The following KLHL32 variants were observed in gnomAD, a reference collection of about 807,000 sequenced individuals.
KLHL32 encodes the protein kelch like family member 32, also known as kelch-like protein 32.
In KLHL32, 35 loss-of-function variants were observed where a neutral mutation model predicts 64.8. The ratio of observed to expected loss-of-function variants is 0.54; its 90% CI spans 0.41 to 0.72. The LOEUF is 0.72. Ranked by LOEUF, KLHL32 falls within the 30% of genes least tolerant of loss-of-function variation. The probability of loss-of-function intolerance (pLI) is 0.00; values close to 1 mark genes in which losing one functional copy is unlikely to be tolerated. For synonymous variants in KLHL32, 259 were observed against 281.0 expected, an observed-to-expected ratio of 0.92 and a Z score of 0.78; for missense variants, 589 against 768.5, an observed-to-expected ratio of 0.77 and a Z score of 2.76.
At chr6:97,119,346 C>G (rs1798126964) in intron 7 of KLHL32, among the ~76,000 whole-genome samples, 1 of 152,128 alleles carries the variant, frequency 6.6e-6, no homozygotes, top group African/African-American at 2.4e-5. Context: ...AAGATCTTTC[C>G]TTTGGTTTCT....
intron 1 of KLHL32, among the ~76,000 whole-genome samples, chr6:96,942,161 G>T (rs1469670751): frequency 2.6e-5 from 4 of 152,174 alleles, no homozygotes; most frequent in African/African-American, 9.7e-5. Flanking sequence ...TTACCCCACA[G>T]TCACTGTTTG....
At chr6:96,908,867 C>T in the KLHL32 span, among the ~76,000 whole-genome samples, 1 of 151,986 alleles carries the variant, frequency 6.6e-6, no homozygotes, top group African/African-American at 2.4e-5. Context: ...TTCTGCTGCA[C>T]AAGAAGACCA....
chr6:96,988,313 C>G (rs1777379865), intron 3 of KLHL32, among the ~76,000 whole-genome samples: 1 of 152,164 alleles, frequency 6.6e-6, no homozygotes, highest in Admixed American at 6.5e-5. Context: ...AGACACTTCT[C>G]AAAAGAAGAC....
intron 10 of KLHL32, among the ~76,000 whole-genome samples, chr6:97,134,526 G>A (rs1799782504): frequency 1.3e-5 from 2 of 152,030 alleles, no homozygotes; most frequent in South Asian, 4.2e-4. Flanking sequence ...CTCAGAACTG[G>A]GCAACAGTTC....
chr6:96,938,458 C>T (rs1030788771), intron 1 of KLHL32, among the ~76,000 whole-genome samples: 2 of 152,154 alleles, frequency 1.3e-5, no homozygotes, highest in African/African-American at 4.8e-5. Context: ...TTCTCGTGTC[C>T]TGCAGATACC....
chr6:96,958,877 C>T (rs766630338), intron 1 of KLHL32, among the ~76,000 whole-genome samples: 6 of 152,140 alleles, frequency 3.9e-5, no homozygotes, highest in Non-Finnish European at 5.9e-5. Flanking sequence ...GGTGCACACA[C>T]AGCTTGGCCT....
At chr6:96,982,948 T>C (rs1776503876) in intron 3 of KLHL32, among the ~76,000 whole-genome samples, 1 of 152,286 alleles carries the variant, frequency 6.6e-6, no homozygotes, top group Non-Finnish European at 1.5e-5. Context: ...AGGGCATCCC[T>C]GTCTTGTGCC....
At chr6:97,110,881 T>A (rs919738865) in intron 6 of KLHL32, among the ~76,000 whole-genome samples, 1 of 152,250 alleles carries the variant, frequency 6.6e-6, no homozygotes, top group Non-Finnish European at 1.5e-5. Flanking sequence ...CACATTGTTC[T>A]GAATTGCTTA....
At chr6:97,060,051 G>A (rs1562292356) in intron 4 of KLHL32, among the ~76,000 whole-genome samples, 2 of 152,190 alleles carry the variant, frequency 1.3e-5, no homozygotes, top group Admixed American at 6.5e-5. Flanking sequence ...CACATGGTAT[G>A]TGTGTTTACT....
chr6:97,042,229 C>T (rs1056869601), intron 4 of KLHL32, among the ~76,000 whole-genome samples: 31 of 152,190 alleles, frequency 2.0e-4, no homozygotes, highest in African/African-American at 6.3e-4. Flanking sequence ...TTTCATCCAA[C>T]GTGGATTTAG....
chr6:96,984,971 T>C (rs369394705), intron 3 of KLHL32, among the ~76,000 whole-genome samples: 1 of 152,148 alleles, frequency 6.6e-6, no homozygotes, highest in Non-Finnish European at 1.5e-5. Context: ...CTAGCCTTGA[T>C]GGTCTTTACA....
intron 3 of KLHL32, among the ~76,000 whole-genome samples, chr6:97,005,324 T>C (rs951920619): frequency 1.3e-5 from 2 of 152,112 alleles, no homozygotes; most frequent in Admixed American, 1.3e-4. Context: ...TCAGTGGTAA[T>C]GTCTCCTTTG....
chr6:96,977,529 A>G (rs1775840704), intron 3 of KLHL32, among the ~76,000 whole-genome samples: 1 of 151,388 alleles, frequency 6.6e-6, no homozygotes. Flanking sequence ...TAATGGTATG[A>G]ATCTCCATAT....
Position 97,009,459 on chromosome 6 carries a change from C to A in KLHL32, c.205-32033C>A, listed in dbSNP as rs569315878. ...CTATCGACACTTTAGGATTTACTGG[C>A]CATGCTGTTGCTTCTGTTTTAATTT... On this transcript the variant is annotated intron_variant, in intron 3 of 10. Coordinates refer to ENST00000369261, the MANE Select transcript of KLHL32 (RefSeq NM_052904.4). Among the ~76,000 whole-genome samples the A allele has an allele frequency of 2.6e-5, 4 of 152,240 alleles. No homozygotes were observed. In the South Asian group the frequency reaches 8.3e-4, roughly 32 times the overall value.
intron 6 of KLHL32, among the ~76,000 whole-genome samples, chr6:97,104,549 G>A (rs1211711370): frequency 6.6e-6 from 1 of 151,578 alleles, no homozygotes; most frequent in East Asian, 1.9e-4. Context: ...AATCTGTCAG[G>A]TTTTTTTTCT....
chr6:97,075,045 T>G (rs1325115164), intron 5 of KLHL32, among the ~76,000 whole-genome samples: 1 of 152,110 alleles, frequency 6.6e-6, no homozygotes, highest in Non-Finnish European at 1.5e-5. Flanking sequence ...ATTTCCAGCT[T>G]ACTAGAGAAT....
chr6:96,957,099 A>G (rs1188357759), intron 1 of KLHL32, among the ~76,000 whole-genome samples: 1 of 152,220 alleles, frequency 6.6e-6, no homozygotes. Context: ...GACACAGACT[A>G]TTTTTAATCT....
chr6:96,914,095 G>T, the KLHL32 span, among the ~76,000 whole-genome samples: 39 of 152,118 alleles, frequency 2.6e-4, no homozygotes, highest in Non-Finnish European at 4.4e-4. Context: ...TTTGAAGAAA[G>T]CGGGGGAATC....
chr6:96,948,979 ATT>A (rs1444531682), intron 1 of KLHL32, among the ~76,000 whole-genome samples: 1 of 152,136 alleles, frequency 6.6e-6, no homozygotes, highest in Non-Finnish European at 1.5e-5. Context: ...CTTTTTTATT[ATT>A]TTGATATTTG....
Sources: allele counts gnomAD v4.1 joint callset (sites outside exome capture counted in the v4.1 genomes callset), GRCh38; gene constraint gnomAD v4.1.1; transcripts MANE v1.5; gene names NCBI Gene and HGNC (gene_info 2026-07-23, HGNC 2026-07-21).